UNC13B: variants seen among roughly 807,000 people sequenced by gnomAD.
The protein encoded by UNC13B is unc-13 homolog B.
A neutral mutation model predicts 211.0 loss-of-function variants in UNC13B; 144 were observed. The observed-to-expected ratio is 0.68, with a 90% confidence interval of 0.60 to 0.78. The LOEUF is 0.78. UNC13B is among the 30% of genes least tolerant of loss of function. The pLI, the probability that UNC13B is intolerant of heterozygous loss-of-function variation, is 0.00. For synonymous variants in UNC13B, 709 were observed against 725.8 expected (o/e 0.98, Z 0.37); for missense variants, 1,777 against 2,002.0 (o/e 0.89, Z 2.14).
chr9:35,295,947 A>G lies in UNC13B; in HGVS notation c.761+17A>G. The G allele has an allele frequency of 6.3e-7, 1 of 1,577,972 alleles. No homozygotes were observed. Among genetic ancestry groups the G allele is most frequent in the Non-Finnish European group, 8.6e-7 (1 of 1,160,146 alleles). ...GGCTATCAGGTGGGTATTGAGCACAAAGTACTTTCTCTTCCTAATATCCAG... is the reference window on the plus strand; with the variant it reads ...GGCTATCAGGTGGGTATTGAGCACAGAGTACTTTCTCTTCCTAATATCCAG... On this transcript the variant is annotated intron_variant, in intron 8 of 39. Coordinates refer to ENST00000635942, the MANE Select transcript of UNC13B (RefSeq NM_001371189.2).
chr9:35,352,919 C>T (rs1333052241), intron 11 of UNC13B: 2 of 1,232,102 alleles, frequency 1.6e-6, no homozygotes, highest in South Asian at 4.1e-5. Flanking sequence ...AAATGACTGC[C>T]ACGATAAAAG....
chr9:35,194,151 G>A (rs754889278), intron 1 of UNC13B, among the ~76,000 whole-genome samples: 4 of 152,114 alleles, frequency 2.6e-5, no homozygotes, highest in Non-Finnish European at 5.9e-5. Flanking sequence ...GCTCACTGTC[G>A]GGGGGAGCCT....
chr9:35,331,444 G>T (rs1335741447), intron 11 of UNC13B, among the ~76,000 whole-genome samples: 1 of 151,990 alleles, frequency 6.6e-6, no homozygotes, highest in East Asian at 1.9e-4. Context: ...ATGGGGTTTC[G>T]CCATCTTGGC....
intron 11 of UNC13B, among the ~76,000 whole-genome samples, chr9:35,329,909 A>G (rs776119286): frequency 6.6e-6 from 1 of 152,178 alleles, no homozygotes; most frequent in East Asian, 1.9e-4. Flanking sequence ...TCGCCTGTCA[A>G]TATTTGTTTC....
chr9:35,355,470 G>A (rs1832967492), intron 11 of UNC13B, among the ~76,000 whole-genome samples: 2 of 152,176 alleles, frequency 1.3e-5, no homozygotes, highest in African/African-American at 2.4e-5. Flanking sequence ...ATCAAAAAGA[G>A]TCTAAATTCC....
chr9:35,273,303 A>C (rs879549651), intron 7 of UNC13B, among the ~76,000 whole-genome samples: 2 of 152,196 alleles, frequency 1.3e-5, no homozygotes, highest in Non-Finnish European at 2.9e-5. Flanking sequence ...TTACCAGCAT[A>C]TCCAAAAGAG....
chr9:35,328,626 TCCTTCCTTCCTTCCTTCCTTCCTTC>T (rs1831160590), intron 11 of UNC13B, among the ~76,000 whole-genome samples: 5 of 103,108 alleles, frequency 4.8e-5, no homozygotes, highest in African/African-American at 1.6e-4. Context: ...CTTCCTTCCT[TCCTTCCTTCCTTCCTTCCTTCCTTC>T]CTTCCTTCCT....
At chr9:35,184,680 C>T (rs976618503) in intron 1 of UNC13B, among the ~76,000 whole-genome samples, 7 of 150,960 alleles carry the variant, frequency 4.6e-5, no homozygotes, top group African/African-American at 1.5e-4. Flanking sequence ...TACAGTCCAG[C>T]CTCGACAACA....
At chr9:35,398,370 T>C in intron 31 of UNC13B, 82 bp downstream of exon 31, 1 of 1,493,088 alleles carries the variant, frequency 6.7e-7, no homozygotes, top group Non-Finnish European at 9.2e-7. Flanking sequence ...CTCTCTTAAC[T>C]AGGTGTAGGC....
chr9:35,387,868 T>G (rs1319643253), intron 24 of UNC13B, among the ~76,000 whole-genome samples: 1 of 152,152 alleles, frequency 6.6e-6, no homozygotes, highest in Non-Finnish European at 1.5e-5. Flanking sequence ...TGTTGTTATT[T>G]TGTTGTTACT....
At position 35,168,183 on chromosome 9, in the gene UNC13B, G is replaced by C. The variant is rs140180038; in HGVS notation, c.22+5878G>C. Reference sequence around the variant, plus strand: ...TCTGCCCACCTTGGCCTCCCAAAATGCTAGGATTACAGGTGTGAGCCACTG... The same window carrying C: ...TCTGCCCACCTTGGCCTCCCAAAATCCTAGGATTACAGGTGTGAGCCACTG... On this transcript the variant is annotated intron_variant, in intron 1 of 39. Coordinates refer to ENST00000635942, the MANE Select transcript of UNC13B (RefSeq NM_001371189.2). 9.2e-5 allele frequency among the ~76,000 whole-genome samples: 14 copies of C among 152,248 alleles called. No individual in the cohort carries two copies. The East Asian group carries it at 2.7e-3, about 29-fold the overall frequency.
At chr9:35,165,576 C>A (rs1820993368) in intron 1 of UNC13B, among the ~76,000 whole-genome samples, 2 of 151,874 alleles carry the variant, frequency 1.3e-5, no homozygotes, top group African/African-American at 4.8e-5. Context: ...TGCCACCATG[C>A]CTGGCTAATT....
intron 31 of UNC13B, 104 bp downstream of exon 31, chr9:35,398,392 C>A: frequency 6.9e-7 from 1 of 1,439,784 alleles, no homozygotes; most frequent in Non-Finnish European, 9.6e-7. Context: ...AGGAATTTAG[C>A]TTGGGGTCTG....
chr9:35,394,151 T>C (rs1204895209), intron 26 of UNC13B, among the ~76,000 whole-genome samples: 1 of 151,984 alleles, frequency 6.6e-6, no homozygotes, highest in Non-Finnish European at 1.5e-5. Context: ...TGGGTATGAA[T>C]AAAGAGGTAG....
At chr9:35,396,723 A>G (rs1304431224) in intron 27 of UNC13B, 118 bp from the exon 28 acceptor site, 1 of 1,598,022 alleles carries the variant, frequency 6.3e-7, no homozygotes, top group Non-Finnish European at 8.6e-7. Context: ...CACCGTAGAC[A>G]AAGAAAAGTG....
intron 11 of UNC13B, among the ~76,000 whole-genome samples, chr9:35,359,936 TCTCAC>T (rs1833293805): frequency 1.3e-5 from 2 of 152,308 alleles, no homozygotes; most frequent in Admixed American, 6.5e-5. Context: ...TGATTTCCTG[TCTCAC>T]TCAGAATGGA....
chr9:35,389,867 G>A lies in UNC13B; in HGVS notation c.11116G>A (p.Glu3706Lys). ...YQLKQELPPE[E>K]QGPSIRNLDF... ...CAAGAAGCAGGAGCTACCTCCAGAG[G>A]AACAAGGGCCCAGCATTCGGAACCT... Residue 3706 changes from glutamate to lysine, a missense_variant, in exon 25 of 40, where the codon GAA (glutamate) becomes AAA (lysine). By Grantham distance (56) the Glu-to-Lys change is moderately conservative. Transcript: ENST00000635942. 2.5e-6 allele frequency: 4 copies of A among 1,614,102 alleles called. No homozygotes were observed. Among genetic ancestry groups the A allele is most frequent in the Non-Finnish European group, 3.4e-6 (4 of 1,180,002 alleles).
At chr9:35,245,795 G>A (rs897462407) in intron 6 of UNC13B, among the ~76,000 whole-genome samples, 38 of 152,178 alleles carry the variant, frequency 2.5e-4, no homozygotes, top group African/African-American at 8.9e-4. Flanking sequence ...ATTGTGAATA[G>A]TGCCGCAATA....
intron 11 of UNC13B, chr9:35,364,422 G>A (rs1282698597): frequency 4.2e-5 from 44 of 1,047,146 alleles, no homozygotes; most frequent in East Asian, 1.3e-4. Context: ...TAGTTGTCCC[G>A]AGGACCTCTC....
Sources: allele counts gnomAD v4.1 joint callset (sites outside exome capture counted in the v4.1 genomes callset), GRCh38; gene constraint gnomAD v4.1.1; transcripts MANE v1.5; gene names NCBI Gene and HGNC (gene_info 2026-07-23, HGNC 2026-07-21).